Variants in ECE1 observed in about 807,000 individuals in gnomAD.
ECE1 encodes endothelin-converting enzyme 1.
In ECE1, 35 loss-of-function variants were observed where a neutral mutation model predicts 98.6. The ratio of observed to expected loss-of-function variants is 0.35; its 90% confidence interval spans 0.27 to 0.47. ECE1 has a LOEUF of 0.47. ECE1 is among the 20% of genes least tolerant of loss of function. ECE1 has a pLI of 1.00. For missense variants in ECE1, 814 were observed against 1,025.3 expected (o/e 0.79, Z 2.81); for synonymous variants, 394 against 407.1 (o/e 0.97, Z 0.39).
chr1:21,219,868 G>T lies in ECE1; in HGVS notation c.*87C>A, dbSNP rs2098165145. 1.3e-6 allele frequency: 2 copies of T among 1,567,556 alleles called. No homozygotes were observed. The highest frequency in any genetic ancestry group is 4.6e-5 in the East Asian group (2 of 43,758). On this transcript the variant is annotated 3_prime_UTR_variant, in exon 19 of 19. Transcript: ENST00000374893. The surrounding 1 kb of genome is among the most constrained non-coding windows in gnomAD (Gnocchi z 4.5). ...AGGAAGCAGGGCCCCGGGTGGCCAA[G>T]CGGGCTGAGCAATGCCCTGGAGGCT...
At chr1:21,224,988 C>T (rs932587598) in intron 17 of ECE1, among the ~76,000 whole-genome samples, 1 of 152,180 alleles carries the variant, frequency 6.6e-6, no homozygotes, top group African/African-American at 2.4e-5. Flanking sequence ...GCTCTTCAGG[C>T]GGATGAAGCC....
intron 3 of ECE1, among the ~76,000 whole-genome samples, chr1:21,278,461 T>C (rs1379815574): frequency 2.6e-5 from 4 of 152,208 alleles, no homozygotes; most frequent in African/African-American, 7.2e-5. Context: ...GGGGGTGTAA[T>C]GCGCTCTGGA....
chr1:21,318,017 C>A (rs11804587), intron 1 of ECE1, among the ~76,000 whole-genome samples: 9,615 of 152,256 alleles, frequency 0.063, 1,027 homozygotes, highest in African/African-American at 0.22. Flanking sequence ...CCTGCCCCTC[C>A]AAGGTGCACC....
intron 7 of ECE1, 42 bp from the exon 8 acceptor site, chr1:21,256,180 A>C (rs751488536): frequency 6.4e-7 from 1 of 1,566,542 alleles, no homozygotes. Context: ...CTGCCCCCCC[A>C]CTATCCACTG....
At chr1:21,234,461 C>T (rs2098185650) in intron 13 of ECE1, among the ~76,000 whole-genome samples, 1 of 150,842 alleles carries the variant, frequency 6.6e-6, no homozygotes, top group Non-Finnish European at 1.5e-5. Flanking sequence ...CTTTTCACTA[C>T]TCGGCCCAGC....
intron 1 of ECE1, among the ~76,000 whole-genome samples, chr1:21,295,694 C>T (rs972436444): frequency 2.0e-5 from 3 of 152,190 alleles, no homozygotes; most frequent in Non-Finnish European, 2.9e-5. Context: ...CCACATTTTC[C>T]ACTCTGTTTT....
intron 2 of ECE1, among the ~76,000 whole-genome samples, chr1:21,282,680 C>T (rs916688694): frequency 2.0e-5 from 3 of 151,724 alleles, no homozygotes; most frequent in Admixed American, 2.0e-4. Flanking sequence ...AGCCACTAGG[C>T]TTGGGATGCA....
intron 7 of ECE1, among the ~76,000 whole-genome samples, chr1:21,257,140 T>C (rs185639806): frequency 1.3e-5 from 2 of 152,336 alleles, no homozygotes; most frequent in African/African-American, 2.4e-5. Flanking sequence ...CTGAGCCTGA[T>C]ACCCTCTTCT....
rs114668052 is a variant in ECE1, at chr1:21,252,258, G to C, written c.1020+3689C>G. Among the ~76,000 whole-genome samples, 1,090 of 152,306 alleles carry C rather than the reference G, an allele frequency of 7.2e-3. 11 individuals are homozygous for C. Among genetic ancestry groups the C allele is most frequent in the African/African-American group, 0.024 (985 of 41,566 alleles). On this transcript the variant is annotated intron_variant, in intron 8 of 18. Coordinates refer to ENST00000374893, the MANE Select transcript of ECE1 (RefSeq NM_001397.3). ...GTCAGATAAGATGTGTTGAATACCAGGATTTTCACATTTTCCATCCTGGCT... is the reference window on the plus strand; with the variant it reads ...GTCAGATAAGATGTGTTGAATACCACGATTTTCACATTTTCCATCCTGGCT...
At chr1:21,230,855 T>G (rs908481003) in intron 14 of ECE1, among the ~76,000 whole-genome samples, 2 of 152,012 alleles carry the variant, frequency 1.3e-5, no homozygotes, top group African/African-American at 4.8e-5. Flanking sequence ...CCATAAAATT[T>G]AAAAAAAATC....
intron 10 of ECE1, 145 bp from the exon 11 acceptor site, chr1:21,238,389 T>C (rs2098191131): frequency 4.2e-6 from 3 of 717,038 alleles, no homozygotes; most frequent in Non-Finnish European, 2.5e-6. Context: ...GTTATTTTAG[T>C]CACCGGACCA....
At chr1:21,227,868 G>C (rs993049013) in intron 15 of ECE1, 63 bp downstream of exon 15, 1 of 1,335,360 alleles carries the variant, frequency 7.5e-7, no homozygotes. Flanking sequence ...GGCTTAGGTC[G>C]TATGGGCCCC....
intron 2 of ECE1, among the ~76,000 whole-genome samples, chr1:21,284,088 C>T (rs1203317555): frequency 6.6e-6 from 1 of 152,218 alleles, no homozygotes; most frequent in African/African-American, 2.4e-5. Flanking sequence ...GGGCACCGAT[C>T]TGCTTCCAAT....
At position 21,328,349 on chromosome 1, in the gene ECE1, C is replaced by G. The variant is rs375427869; in HGVS notation, c.3+17027G>C. On this transcript the variant is annotated intron_variant, in intron 1 of 18. Transcript: ENST00000415912. Reference sequence around the variant, plus strand: ...GTGCAACTGTCCAAGACCATGCCTGCTTGCTAACCATTCTAGACCTTGTGC... The same window carrying G: ...GTGCAACTGTCCAAGACCATGCCTGGTTGCTAACCATTCTAGACCTTGTGC... Among the ~76,000 whole-genome samples the G allele has an allele frequency of 6.6e-5, 10 of 152,238 alleles. No homozygotes were observed. The East Asian group carries it at 7.7e-4, about 12-fold the overall frequency.
rs1227565063 is a variant in ECE1 at position 21,304,525 on chromosome 1, TAA to T, written c.4-14371_4-14370del. Reference sequence around the variant, plus strand: ...TCATGTCAATGTTGTTTCTTACTTTTAAAAAAGAGAGAAATATTTCTCATATC... The same window carrying T: ...TCATGTCAATGTTGTTTCTTACTTTTAAAAGAGAGAAATATTTCTCATATC... On this transcript the variant is annotated intron_variant, in intron 1 of 18. Coordinates refer to the ECE1 transcript ENST00000415912. Among the ~76,000 whole-genome samples the T allele has an allele frequency of 2.6e-5, 4 of 152,084 alleles. No individual in the cohort carries two copies. The East Asian group carries it at 5.8e-4, about 22-fold the overall frequency.
chr1:21,241,863 G>A (rs1053956308), intron 10 of ECE1, among the ~76,000 whole-genome samples: 1 of 152,206 alleles, frequency 6.6e-6, no homozygotes, highest in South Asian at 2.1e-4. Flanking sequence ...GGGTCTGATC[G>A]ATCTGACCGG....
At chr1:21,287,627 C>T (rs2098262087) in intron 2 of ECE1, among the ~76,000 whole-genome samples, 1 of 152,168 alleles carries the variant, frequency 6.6e-6, no homozygotes, top group Non-Finnish European at 1.5e-5. Flanking sequence ...ATGGGTCACC[C>T]ACAGAGTGAC....
chr1:21,227,306 T>C lies in ECE1; in HGVS notation c.1782-80A>G, dbSNP rs373860215. 7.6e-5 allele frequency: 106 copies of C among 1,402,062 alleles called. No individual in the cohort carries two copies. The African/African-American group carries it at 1.0e-3, about 14-fold the overall frequency. The allele number at this position is 1,402,062 out of a possible 1,614,324, so 86.9% of individuals were successfully genotyped here. A position where few individuals can be genotyped will look rare whatever the true frequency, so the allele number is the denominator to read the frequency against. On this transcript the variant is annotated intron_variant, in intron 15 of 18. Transcript: ENST00000374893. ...TCTTGCTCAGGTATGTGACCCTCAC[T>C]TCCTGGGCTTAGAGATATAGCAAAA...
chr1:21,328,842 A>G (rs1217012996), intron 1 of ECE1, among the ~76,000 whole-genome samples: 1 of 151,562 alleles, frequency 6.6e-6, no homozygotes, highest in Admixed American at 6.6e-5. Flanking sequence ...GGAGGAACAC[A>G]GGCCTCGGCT....
Sources: allele counts gnomAD v4.1 joint callset (sites outside exome capture counted in the v4.1 genomes callset), GRCh38; gene constraint gnomAD v4.1.1; non-coding constraint Gnocchi (gnomAD v3.1); transcripts MANE v1.5; gene names NCBI Gene and HGNC (gene_info 2026-07-23, HGNC 2026-07-21).